Variants in NXPH2 observed in about 807,000 individuals in gnomAD.
NXPH2 encodes the protein neurexophilin 2, also known as neurexophilin-2.
A neutral mutation model predicts 19.8 loss-of-function variants in NXPH2; 5 were observed. The observed-to-expected ratio is 0.25, with a 90% CI of 0.13 to 0.53. The LOEUF is 0.53. NXPH2 is among the 20% of genes least tolerant of loss of function. The probability of loss-of-function intolerance (pLI) is 0.96; values close to 1 mark genes in which losing one functional copy is unlikely to be tolerated. For synonymous variants in NXPH2, 154 were observed against 127.4 expected (o/e 1.21, Z -1.41); for missense variants, 289 against 322.8 (o/e 0.90, Z 0.80).
At chr2:138,764,114 A>G (rs953817613) in intron 1 of NXPH2, among the ~76,000 whole-genome samples, 1 of 152,164 alleles carries the variant, frequency 6.6e-6, no homozygotes, top group African/African-American at 2.4e-5. Context: ...TGTGCACCAG[A>G]CCACAGAGAA....
intron 1 of NXPH2, among the ~76,000 whole-genome samples, chr2:138,680,199 C>T (rs1680551833): frequency 6.6e-6 from 1 of 152,140 alleles, no homozygotes; most frequent in Non-Finnish European, 1.5e-5. Context: ...ACTGTGCAAG[C>T]CACATTCCCT....
chr2:138,773,273 C>A (rs919294185), intron 1 of NXPH2, among the ~76,000 whole-genome samples: 2 of 152,220 alleles, frequency 1.3e-5, no homozygotes, highest in African/African-American at 2.4e-5. Flanking sequence ...CTACGGAAAA[C>A]ACGCTTTTGA....
intron 1 of NXPH2, among the ~76,000 whole-genome samples, chr2:138,741,530 G>C (rs1048059652): frequency 6.6e-6 from 1 of 152,140 alleles, no homozygotes; most frequent in African/African-American, 2.4e-5. Context: ...AGTGATTTTG[G>C]TGAAAGATGC....
chr2:138,680,349 G>A (rs1680554347), intron 1 of NXPH2, among the ~76,000 whole-genome samples: 2 of 152,198 alleles, frequency 1.3e-5, no homozygotes, highest in Non-Finnish European at 2.9e-5. Context: ...GTAAGGAGGT[G>A]AATACTGCAC....
chr2:138,692,411 G>A (rs191360912), intron 1 of NXPH2, among the ~76,000 whole-genome samples: 6 of 152,160 alleles, frequency 3.9e-5, no homozygotes, highest in African/African-American at 1.4e-4. Context: ...TATGTGTAAC[G>A]GAAGCTTTAA....
intron 1 of NXPH2, among the ~76,000 whole-genome samples, chr2:138,699,646 G>A (rs987993238): frequency 2.8e-4 from 42 of 152,208 alleles, no homozygotes; most frequent in African/African-American, 9.4e-4. Context: ...GTGAGGGCAG[G>A]CCTTGCTGGG....
intron 1 of NXPH2, among the ~76,000 whole-genome samples, chr2:138,766,076 G>A (rs1682084509): frequency 6.6e-6 from 1 of 152,146 alleles, no homozygotes. Flanking sequence ...GAATATCAGG[G>A]GGAACATTCA....
chr2:138,755,141 A>ACGG lies in NXPH2; in HGVS notation c.51+25047_51+25049dup, dbSNP rs1289243546. ...ATATTCAGCATATATATCTCAGTAT[A>ACGG]CGGCTTATCTTTTCATTCTTTTAAT... On this transcript the variant is annotated intron_variant, in intron 1 of 1. Coordinates refer to ENST00000272641, the MANE Select transcript of NXPH2 (RefSeq NM_007226.3). Among the ~76,000 whole-genome samples the ACGG allele has an allele frequency of 3.9e-5, 6 of 152,186 alleles. No homozygotes were observed. In the South Asian group the frequency reaches 1.2e-3, roughly 32 times the overall value.
At chr2:138,726,555 CA>C (rs1283113622) in intron 1 of NXPH2, among the ~76,000 whole-genome samples, 9 of 149,808 alleles carry the variant, frequency 6.0e-5, no homozygotes, top group South Asian at 4.3e-4. Context: ...CACACACACA[CA>C]CACCCTCCAA....
chr2:138,700,881 T>C (rs1318103510), intron 1 of NXPH2, among the ~76,000 whole-genome samples: 1 of 152,146 alleles, frequency 6.6e-6, no homozygotes, highest in Non-Finnish European at 1.5e-5. Flanking sequence ...ATCTTCTAAC[T>C]GCAGGAGAAT....
intron 1 of NXPH2, among the ~76,000 whole-genome samples, chr2:138,768,261 T>C (rs1034405544): frequency 4.6e-5 from 7 of 152,232 alleles, no homozygotes; most frequent in Admixed American, 1.3e-4. Flanking sequence ...TCTCTGGTTA[T>C]CTATGACTAT....
chr2:138,694,819 G>T (rs1680805228), intron 1 of NXPH2, among the ~76,000 whole-genome samples: 1 of 152,122 alleles, frequency 6.6e-6, no homozygotes, highest in African/African-American at 2.4e-5. Flanking sequence ...AATCACAAAG[G>T]TAAGCAACAG....
chr2:138,686,955 A>G (rs893146638), intron 1 of NXPH2, among the ~76,000 whole-genome samples: 2 of 152,054 alleles, frequency 1.3e-5, no homozygotes, highest in Non-Finnish European at 2.9e-5. Context: ...TCTATCATTG[A>G]TGGACATTTG....
chr2:138,693,830 G>T (rs1680785759), intron 1 of NXPH2, among the ~76,000 whole-genome samples: 1 of 152,080 alleles, frequency 6.6e-6, no homozygotes, highest in African/African-American at 2.4e-5. Flanking sequence ...CAGTGTTATG[G>T]GTTGAATTAT....
intron 1 of NXPH2, among the ~76,000 whole-genome samples, chr2:138,679,156 A>G (rs1369804322): frequency 6.6e-6 from 1 of 152,236 alleles, no homozygotes; most frequent in Non-Finnish European, 1.5e-5. Flanking sequence ...GAATAACGAA[A>G]ACTAAACAAA....
At chr2:138,778,305 G>A (rs1302372873) in intron 1 of NXPH2, among the ~76,000 whole-genome samples, 2 of 152,138 alleles carry the variant, frequency 1.3e-5, no homozygotes, top group African/African-American at 4.8e-5. Context: ...TACAACCCAA[G>A]CACAATCCCA....
intron 1 of NXPH2, among the ~76,000 whole-genome samples, chr2:138,706,931 G>A (rs1486264662): frequency 6.6e-6 from 1 of 150,746 alleles, no homozygotes; most frequent in Non-Finnish European, 1.5e-5. Context: ...AGAAAAAAAA[G>A]TTAAGGTGAA....
chr2:138,693,443 A>T (rs1680773376), intron 1 of NXPH2, among the ~76,000 whole-genome samples: 1 of 152,204 alleles, frequency 6.6e-6, no homozygotes, highest in African/African-American at 2.4e-5. Context: ...GAGACAGATG[A>T]TGAGAATGAA....
At chr2:138,732,860 T>C (rs562897962) in intron 1 of NXPH2, among the ~76,000 whole-genome samples, 12 of 152,218 alleles carry the variant, frequency 7.9e-5, no homozygotes, top group Admixed American at 6.5e-4. Flanking sequence ...AAGCACATTA[T>C]GGCACATTTG....
Sources: gnomAD v4.1 joint callset for allele counts (sites outside exome capture counted in the v4.1 genomes callset) on GRCh38, gnomAD v4.1.1 for gene constraint, MANE v1.5 for transcripts, NCBI Gene and HGNC (gene_info 2026-07-23, HGNC 2026-07-21) for gene names.